Variants in ITPRID1 observed in about 807,000 individuals in gnomAD.
ITPRID1 encodes the protein ITPR interacting domain containing 1.
ITPRID1 carries 96 observed loss-of-function variants against 95.4 expected under a neutral mutation model. The observed-to-expected ratio is 1.01, with a 90% confidence interval of 0.85 to 1.19. ITPRID1 has a LOEUF of 1.19. Ranked by LOEUF, ITPRID1 falls within the 50% of genes most tolerant of loss-of-function variation. The pLI is 0.00. For synonymous variants in ITPRID1, 510 were observed against 453.6 expected (o/e 1.12, Z -1.58); for missense variants, 1,339 against 1,252.9 (o/e 1.07, Z -1.04).
chr7:31,588,732 G>C (rs1785735460), intron 10 of ITPRID1, among the ~76,000 whole-genome samples: 1 of 151,652 alleles, frequency 6.6e-6, no homozygotes, highest in African/African-American at 2.4e-5. Flanking sequence ...TCACAGAAAG[G>C]AGAGAACCAA....
chr7:31,617,787 A>T (rs1192135386), intron 10 of ITPRID1, among the ~76,000 whole-genome samples: 3 of 152,134 alleles, frequency 2.0e-5, no homozygotes, highest in African/African-American at 7.2e-5. Context: ...GATAATAAAG[A>T]TAAAATGAAA....
At position 31,569,640 on chromosome 7, in the gene ITPRID1, T is replaced by C. The variant is rs912247824; in HGVS notation, c.257-118T>C. On this transcript the variant is annotated intron_variant, in intron 5 of 14. Coordinates refer to ENST00000615280, the MANE Select transcript of ITPRID1 (RefSeq NM_001257967.3). ...CACTGCAGTGATGCCTTGTATTTCA[T>C]GCCTATATAACCTTGGATATGGAAA... 9 of 761,502 alleles carry C rather than the reference T, an allele frequency of 1.2e-5. No individual in the cohort carries two copies. In the Admixed American group the frequency reaches 2.0e-4, roughly 17 times the overall value. The allele number at this position is 761,502 out of a possible 1,614,324, so 47.2% of individuals were successfully genotyped here. A position where few individuals can be genotyped will look rare whatever the true frequency, so the allele number is the denominator to read the frequency against.
chr7:31,625,752 C>A (rs550262713), intron 10 of ITPRID1, among the ~76,000 whole-genome samples: 1 of 151,720 alleles, frequency 6.6e-6, no homozygotes, highest in Non-Finnish European at 1.5e-5. Flanking sequence ...TGCACATGTA[C>A]CCTAAACTTA....
chr7:31,618,922 G>T (rs1420515563), intron 10 of ITPRID1, among the ~76,000 whole-genome samples: 2 of 152,136 alleles, frequency 1.3e-5, no homozygotes, highest in African/African-American at 4.8e-5. Context: ...GGATAAAATG[G>T]TTTATCATAT....
chr7:31,537,040 C>T (rs771229025), intron 1 of ITPRID1, among the ~76,000 whole-genome samples: 2 of 151,674 alleles, frequency 1.3e-5, no homozygotes, highest in Non-Finnish European at 2.9e-5. Flanking sequence ...CTGCTCCCCT[C>T]TAGCCATAGC....
Position 31,612,221 on chromosome 7 carries a change from A to T in ITPRID1, c.1228+29030A>T, listed in dbSNP as rs147173468. ...CTTTTATGATATTTACCTCTTTATG[A>T]TACTCTGTATTTGATGAGACATTCT... On this transcript the variant is annotated intron_variant, in intron 10 of 14. Transcript: ENST00000615280. 4.7e-3 allele frequency among the ~76,000 whole-genome samples: 711 copies of T among 152,152 alleles called. 4 individuals carry two copies. Among genetic ancestry groups the T allele is most frequent in the Non-Finnish European group, 6.7e-3 (456 of 67,994 alleles).
rs770235105 is a variant in ITPRID1, at chr7:31,642,891, G to T, written c.1521G>T (p.Leu507=). The T allele has an allele frequency of 1.9e-6, 3 of 1,614,024 alleles. No homozygotes were observed. In the East Asian group the frequency reaches 6.7e-5, roughly 36 times the overall value. The part of the protein sequence containing the change: ...ASVSVMEEEF[L]LEAMEGPPEL... ...TATCTGTGATGGAGGAAGAGTTTCT[G>T]CTTGAGGCCATGGAGGGGCCACCAG... is the stretch of plus-strand genomic sequence containing the variant. The change falls in exon 12 of 15, where the codon CTG becomes CTT. Residue 507 remains leucine, a synonymous_variant. Transcript: ENST00000615280.
chr7:31,561,400 C>G (rs1784618891), intron 5 of ITPRID1, among the ~76,000 whole-genome samples: 1 of 152,052 alleles, frequency 6.6e-6, no homozygotes, highest in Non-Finnish European at 1.5e-5. Flanking sequence ...AGAGTCTGGA[C>G]CTGTTGTTCT....
At position 31,553,168 on chromosome 7, in the gene ITPRID1, T is replaced by C. The variant is rs1784340721; in HGVS notation, c.144T>C (p.Ser48=). ...LPPDPEEESQ[S]LTIPMLEDSK... is the part of the protein sequence containing the mutation. ...CTGACCCTGAGGAGGAAAGCCAGAG[T>C]CTCACCATCCCCATGCTGGGTGAGA... The change falls in exon 3 of 15, where the codon AGT becomes AGC. Residue 48 remains serine (S), a synonymous_variant. Coordinates refer to ENST00000615280, the MANE Select transcript of ITPRID1 (RefSeq NM_001257967.3). The C allele has an allele frequency of 1.3e-6, 2 of 1,583,718 alleles. No individual in the cohort carries two copies. The highest frequency in any genetic ancestry group is 1.7e-6 in the Non-Finnish European group (2 of 1,163,640).
rs181473176 is a variant in ITPRID1 at position 31,622,856 on chromosome 7, G to A, written c.1229-19320G>A. On this transcript the variant is annotated intron_variant, in intron 10 of 14. Transcript: ENST00000615280. ...AAATGATCAACAAAATTGATAGACC[G>A]CTAGCAAGACTAATAAAGAAGAAAA... Among the ~76,000 whole-genome samples, 325 of 152,130 alleles carry A rather than the reference G, an allele frequency of 2.1e-3. 4 individuals carry two copies. Among genetic ancestry groups the A allele is most frequent in the African/African-American group, 6.7e-3 (277 of 41,504 alleles).
chr7:31,566,599 A>G (rs1436185616), intron 5 of ITPRID1, among the ~76,000 whole-genome samples: 1 of 152,198 alleles, frequency 6.6e-6, no homozygotes, highest in Non-Finnish European at 1.5e-5. Context: ...GCAGGAATAA[A>G]TATTTTAAAA....
rs1348898435 is a variant in ITPRID1 at position 31,639,548 on chromosome 7, T to G, written c.1229-2628T>G. Among the ~76,000 whole-genome samples, 49 of 150,024 alleles carry G rather than the reference T, an allele frequency of 3.3e-4. No individual in the cohort carries two copies. In the East Asian group the frequency reaches 8.9e-3, roughly 27 times the overall value. On this transcript the variant is annotated intron_variant, in intron 10 of 14. Transcript: ENST00000615280. ...TGTTTGTTTGTTTTTGTTTTTTTTT[T>G]TTTTTTGAGATGGAGTCTCACTCTG...
intron 10 of ITPRID1, among the ~76,000 whole-genome samples, chr7:31,614,279 T>G (rs1787013784): frequency 6.6e-6 from 1 of 152,182 alleles, no homozygotes; most frequent in Non-Finnish European, 1.5e-5. Context: ...AATAAAATTA[T>G]GCTTTACAGG....
intron 10 of ITPRID1, among the ~76,000 whole-genome samples, chr7:31,618,046 A>G (rs1787438185): frequency 6.6e-6 from 1 of 152,200 alleles, no homozygotes; most frequent in Admixed American, 6.5e-5. Flanking sequence ...ATGGGATCCT[A>G]AAGAAGCCAA....
intron 10 of ITPRID1, among the ~76,000 whole-genome samples, chr7:31,616,067 G>C (rs1163069945): frequency 6.6e-6 from 1 of 151,982 alleles, no homozygotes. Flanking sequence ...TTCTAATTCC[G>C]TTTTCTGTTA....
Position 31,518,895 on chromosome 7 carries a change from A to G in ITPRID1, c.-98+4775A>G, listed in dbSNP as rs76914690. Among the ~76,000 whole-genome samples the G allele has an allele frequency of 5.4e-3, 824 of 152,346 alleles. 12 individuals are homozygous for G. The highest frequency in any genetic ancestry group is 0.019 in the African/African-American group (784 of 41,578). Reference sequence around the variant, plus strand: ...GACATTTCCTGAATCTTAATCTTCTATCAGATTCCAGAAGATGCAAAAGAA... The same window carrying G: ...GACATTTCCTGAATCTTAATCTTCTGTCAGATTCCAGAAGATGCAAAAGAA... On this transcript the variant is annotated intron_variant, in intron 1 of 14. Transcript: ENST00000615280.
intron 1 of ITPRID1, among the ~76,000 whole-genome samples, chr7:31,528,764 T>C (rs1264373602): frequency 2.0e-5 from 3 of 152,174 alleles, no homozygotes; most frequent in Non-Finnish European, 4.4e-5. Flanking sequence ...TCCCCTCCTC[T>C]TTAATCTCAG....
chr7:31,562,670 A>G (rs748025374), intron 5 of ITPRID1, among the ~76,000 whole-genome samples: 1 of 152,240 alleles, frequency 6.6e-6, no homozygotes, highest in Non-Finnish European at 1.5e-5. Flanking sequence ...CTTGTTCTCC[A>G]GAATGTCACT....
chr7:31,634,739 CA>C (rs1437499384), intron 10 of ITPRID1, among the ~76,000 whole-genome samples: 1 of 152,138 alleles, frequency 6.6e-6, no homozygotes, highest in African/African-American at 2.4e-5. Flanking sequence ...TCCATTTACA[CA>C]ACTGGTTTGG....
Sources: gnomAD v4.1 joint callset for allele counts (sites outside exome capture counted in the v4.1 genomes callset) on GRCh38, gnomAD v4.1.1 for gene constraint, MANE v1.5 for transcripts, NCBI Gene and HGNC (gene_info 2026-07-23, HGNC 2026-07-21) for gene names.